Variants in SOX5 observed in about 807,000 individuals in gnomAD.
The protein encoded by SOX5 is transcription factor SOX-5.
SOX5 carries 9 observed loss-of-function variants against 92.0 expected under a neutral mutation model. That is an observed-to-expected ratio of 0.10 (90% CI 0.06 to 0.17). The LOEUF is 0.17. Ranked by LOEUF, SOX5 falls within the 10% of genes least tolerant of loss-of-function variation. The pLI is 1.00. For missense variants in SOX5, 642 were observed against 944.5 expected, an observed-to-expected ratio of 0.68 and a Z score of 4.20; for synonymous variants, 344 against 336.3, an observed-to-expected ratio of 1.02 and a Z score of -0.25.
chr12:23,699,378 T>A (rs368103508), intron 6 of SOX5, among the ~76,000 whole-genome samples: 2 of 152,334 alleles, frequency 1.3e-5, no homozygotes, highest in East Asian at 3.9e-4. Context: ...ATGGTTAATC[T>A]GGTTCCTATA....
chr12:23,872,660 CACTTTTGCAAACATAAT>C (rs2096887768), intron 2 of SOX5, among the ~76,000 whole-genome samples: 1 of 152,176 alleles, frequency 6.6e-6, no homozygotes, highest in Non-Finnish European at 1.5e-5. Flanking sequence ...ACTTAATATA[CACTTTTGCAAACATAAT>C]AACATTTAGC....
intron 4 of SOX5, among the ~76,000 whole-genome samples, chr12:24,112,154 A>G (rs1335423639): frequency 6.6e-6 from 1 of 152,230 alleles, no homozygotes; most frequent in East Asian, 1.9e-4. Context: ...TGATTTTGCT[A>G]TTGGAATGGA....
At chr12:24,167,458 T>G (rs1387345452) in intron 4 of SOX5, among the ~76,000 whole-genome samples, 1 of 152,218 alleles carries the variant, frequency 6.6e-6, no homozygotes, top group East Asian at 1.9e-4. Context: ...AATTCACTGC[T>G]GAGCTGATAA....
chr12:24,133,583 G>C (rs183813233), intron 4 of SOX5, among the ~76,000 whole-genome samples: 89 of 152,232 alleles, frequency 5.8e-4, no homozygotes, highest in African/African-American at 1.4e-3. Flanking sequence ...AAGCACAAAG[G>C]GGGGTGTGGG....
intron 7 of SOX5, 97 bp downstream of exon 7, chr12:23,665,347 G>T: frequency 2.3e-6 from 3 of 1,295,730 alleles, no homozygotes; most frequent in East Asian, 2.3e-5. Flanking sequence ...AATGCTATAT[G>T]GGTGATCTCA....
intron 2 of SOX5, among the ~76,000 whole-genome samples, chr12:23,894,772 T>C (rs1295182753): frequency 6.6e-6 from 1 of 152,152 alleles, no homozygotes; most frequent in East Asian, 1.9e-4. Context: ...GGCAATAATT[T>C]CCTGGAGGAA....
At chr12:24,220,900 T>A (rs1960242898) in intron 3 of SOX5, among the ~76,000 whole-genome samples, 1 of 152,192 alleles carries the variant, frequency 6.6e-6, no homozygotes, top group South Asian at 2.1e-4. Context: ...TAGCCGAAAG[T>A]CTGAAGAAAA....
intron 2 of SOX5, among the ~76,000 whole-genome samples, chr12:24,322,720 CCT>C (rs1196608191): frequency 2.0e-5 from 3 of 152,200 alleles, no homozygotes; most frequent in Admixed American, 1.3e-4. Flanking sequence ...AAACAAGAAA[CCT>C]CTGTTAATGA....
At chr12:24,438,138 T>C (rs1340746895) in intron 1 of SOX5, among the ~76,000 whole-genome samples, 1 of 152,166 alleles carries the variant, frequency 6.6e-6, no homozygotes, top group Non-Finnish European at 1.5e-5. Context: ...TGCAGGGACA[T>C]GGATGAAGCT....
intron 6 of SOX5, among the ~76,000 whole-genome samples, chr12:23,708,634 T>C (rs545896334): frequency 2.0e-5 from 3 of 152,240 alleles, no homozygotes; most frequent in Non-Finnish European, 2.9e-5. Context: ...AACAGTTAGG[T>C]AGCTGTTGCA....
intron 7 of SOX5, among the ~76,000 whole-genome samples, chr12:23,659,406 CA>C (rs1673217281): frequency 6.6e-6 from 1 of 152,118 alleles, no homozygotes; most frequent in African/African-American, 2.4e-5. Flanking sequence ...AGAGTAAATA[CA>C]GCATATTTTA....
intron 2 of SOX5, among the ~76,000 whole-genome samples, chr12:24,359,509 T>C (rs1208259023): frequency 6.6e-6 from 1 of 152,178 alleles, no homozygotes; most frequent in Non-Finnish European, 1.5e-5. Flanking sequence ...CTAAAGAAAA[T>C]GGGCATGGAG....
At chr12:23,736,930 T>G (rs1029743613) in intron 5 of SOX5, among the ~76,000 whole-genome samples, 1 of 151,950 alleles carries the variant, frequency 6.6e-6, no homozygotes. Flanking sequence ...TGACCTCGGG[T>G]GATCCACTTG....
At chr12:24,496,687 G>A (rs185273867) in intron 1 of SOX5, among the ~76,000 whole-genome samples, 1 of 152,266 alleles carries the variant, frequency 6.6e-6, no homozygotes, top group East Asian at 1.9e-4. Flanking sequence ...ATGGGCTCTA[G>A]TCTGAATTCC....
At chr12:24,469,658 GATA>G (rs1944591083) in intron 1 of SOX5, among the ~76,000 whole-genome samples, 1 of 152,172 alleles carries the variant, frequency 6.6e-6, no homozygotes, top group African/African-American at 2.4e-5. Context: ...CTTATGAGTA[GATA>G]TCTATTCTCT....
chr12:24,523,126 G>GA (rs1438105800), intron 1 of SOX5, among the ~76,000 whole-genome samples: 2 of 151,686 alleles, frequency 1.3e-5, no homozygotes, highest in African/African-American at 2.4e-5. Flanking sequence ...ACAATAAACT[G>GA]AAAAAAATAG....
chr12:24,422,347 C>A (rs1352022422), intron 1 of SOX5, among the ~76,000 whole-genome samples: 1 of 152,074 alleles, frequency 6.6e-6, no homozygotes, highest in African/African-American at 2.4e-5. Context: ...ATGAGTAATT[C>A]TATCAAAAAA....
chr12:23,551,348 G>T (rs919976046), intron 11 of SOX5, among the ~76,000 whole-genome samples: 2 of 151,732 alleles, frequency 1.3e-5, no homozygotes, highest in East Asian at 1.9e-4. Context: ...GAAATAAGGC[G>T]CATGTCCACT....
intron 3 of SOX5, among the ~76,000 whole-genome samples, chr12:24,268,631 T>C (rs1594980217): frequency 6.6e-6 from 1 of 152,214 alleles, no homozygotes; most frequent in Non-Finnish European, 1.5e-5. Context: ...TTCTACCATA[T>C]GTTACAAGAG....
Sources: allele counts gnomAD v4.1 joint callset (sites outside exome capture counted in the v4.1 genomes callset), GRCh38; gene constraint gnomAD v4.1.1; transcripts MANE v1.5; gene names NCBI Gene and HGNC (gene_info 2026-07-23, HGNC 2026-07-21).